The following SPAG16 variants were observed in gnomAD, a reference collection of about 807,000 sequenced individuals.
SPAG16 encodes sperm-associated antigen 16 protein.
In SPAG16, 86 loss-of-function variants were observed where a neutral mutation model predicts 80.4. The ratio of observed to expected loss-of-function variants is 1.07; its 90% CI spans 0.90 to 1.28. The LOEUF (loss-of-function observed/expected upper bound fraction) is 1.28. Among genes scored for constraint, SPAG16 ranks in the 50% most tolerant of loss-of-function variants. The pLI is 0.00. For missense variants in SPAG16, 870 were observed against 765.3 expected (o/e 1.14, Z -1.61); for synonymous variants, 294 against 265.9 (o/e 1.11, Z -1.03).
At chr2:213,623,383 G>C (rs1264438445) in intron 10 of SPAG16, among the ~76,000 whole-genome samples, 1 of 151,952 alleles carries the variant, frequency 6.6e-6, no homozygotes, top group Non-Finnish European at 1.5e-5. Context: ...AGATAAAATA[G>C]ATAAACAAGT....
At chr2:214,391,346 T>G (rs1264560238) in intron 15 of SPAG16, among the ~76,000 whole-genome samples, 1 of 152,230 alleles carries the variant, frequency 6.6e-6, no homozygotes, top group Non-Finnish European at 1.5e-5. Context: ...TTCATCTTTT[T>G]CATTCAAAAT....
intron 10 of SPAG16, among the ~76,000 whole-genome samples, chr2:213,680,319 G>C (rs949066490): frequency 6.6e-6 from 1 of 151,934 alleles, no homozygotes; most frequent in African/African-American, 2.4e-5. Context: ...GAGCTTGTGC[G>C]TAAGCCATTT....
intron 11 of SPAG16, among the ~76,000 whole-genome samples, chr2:213,864,741 C>T (rs1421948988): frequency 2.0e-5 from 3 of 152,080 alleles, no homozygotes; most frequent in Admixed American, 1.3e-4. Context: ...CTATCTTCTG[C>T]AATGATGACA....
chr2:213,504,199 T>C (rs1322709043), intron 10 of SPAG16, among the ~76,000 whole-genome samples: 4 of 152,192 alleles, frequency 2.6e-5, no homozygotes, highest in Admixed American at 2.6e-4. Flanking sequence ...TTTTGGAATT[T>C]CTTAAGCAAG....
chr2:214,051,280 G>A (rs1028739553), intron 13 of SPAG16, among the ~76,000 whole-genome samples: 1 of 152,030 alleles, frequency 6.6e-6, no homozygotes, highest in African/African-American at 2.4e-5. Context: ...TATAGCAAAG[G>A]AATCACATCT....
At chr2:213,516,437 T>C (rs1226969257) in intron 10 of SPAG16, among the ~76,000 whole-genome samples, 1 of 152,204 alleles carries the variant, frequency 6.6e-6, no homozygotes, top group Non-Finnish European at 1.5e-5. Context: ...TGCTTCTTTA[T>C]TTTTAAAGAG....
chr2:214,355,297 T>C (rs1402219148), intron 15 of SPAG16, among the ~76,000 whole-genome samples: 1 of 98,826 alleles, frequency 1.0e-5, no homozygotes, highest in Non-Finnish European at 2.3e-5. Flanking sequence ...ATATCAAGAA[T>C]CTACGATGAA....
At chr2:213,327,200 TGATGAGGA>T (rs2063881593) in intron 5 of SPAG16, among the ~76,000 whole-genome samples, 1 of 151,630 alleles carries the variant, frequency 6.6e-6, no homozygotes, top group Admixed American at 6.6e-5. Context: ...TCTACTAATG[TGATGAGGA>T]AATATTATAT....
chr2:213,763,153 A>T (rs1362539109), intron 10 of SPAG16, among the ~76,000 whole-genome samples: 1 of 152,186 alleles, frequency 6.6e-6, no homozygotes, highest in Non-Finnish European at 1.5e-5. Flanking sequence ...GATATAGAGA[A>T]ATCTGAATCC....
At chr2:213,610,273 C>T (rs1047189275) in intron 10 of SPAG16, among the ~76,000 whole-genome samples, 4 of 152,124 alleles carry the variant, frequency 2.6e-5, no homozygotes, top group Non-Finnish European at 4.4e-5. Flanking sequence ...TGTCCTTTTG[C>T]AGGGAGATTT....
intron 10 of SPAG16, among the ~76,000 whole-genome samples, chr2:213,574,762 A>C (rs1336686114): frequency 6.7e-6 from 1 of 150,106 alleles, no homozygotes; most frequent in Non-Finnish European, 1.5e-5. Flanking sequence ...TTTTTCTCTT[A>C]GTCAATTGTG....
Position 213,411,223 on chromosome 2 carries a change from C to A in SPAG16, c.942+36104C>A, listed in dbSNP as rs567926779. On this transcript the variant is annotated intron_variant, in intron 9 of 15. Transcript: ENST00000331683. ...ATAAGACATTGTAAAGCAAGAGAAG[C>A]CCCTTATAGGTCTTTCGACTCTCAA... Among the ~76,000 whole-genome samples the A allele has an allele frequency of 6.7e-4, 102 of 152,280 alleles. 1 individual carries two copies. The highest frequency in any genetic ancestry group is 1.4e-3 in the South Asian group (7 of 4,828).
At chr2:213,485,413 T>G (rs1395148803) in intron 9 of SPAG16, among the ~76,000 whole-genome samples, 1 of 152,196 alleles carries the variant, frequency 6.6e-6, no homozygotes, top group African/African-American at 2.4e-5. Context: ...TTTTTCCTTT[T>G]GGCTTATCTA....
intron 10 of SPAG16, among the ~76,000 whole-genome samples, chr2:213,694,733 C>T (rs1328544041): frequency 6.6e-6 from 1 of 151,074 alleles, no homozygotes; most frequent in Admixed American, 6.6e-5. Flanking sequence ...TGCTTGCATT[C>T]CTCTCTTCTT....
chr2:214,339,845 C>G (rs1236215508), intron 15 of SPAG16, among the ~76,000 whole-genome samples: 8 of 152,054 alleles, frequency 5.3e-5, no homozygotes, highest in Non-Finnish European at 1.5e-5. Flanking sequence ...TTGTAGATGT[C>G]ATTTAGTTTA....
intron 11 of SPAG16, among the ~76,000 whole-genome samples, chr2:213,887,410 C>G (rs2076600297): frequency 6.6e-6 from 1 of 151,750 alleles, no homozygotes; most frequent in Non-Finnish European, 1.5e-5. Flanking sequence ...CGTAAAATGA[C>G]TCTCATATCG....
rs6755172 is a variant in SPAG16, at chr2:213,653,060, A to G, written c.1070+162970A>G. On this transcript the variant is annotated intron_variant, in intron 10 of 15. Coordinates refer to ENST00000331683, the MANE Select transcript of SPAG16 (RefSeq NM_024532.5). ...CCCGGCATCTTCTATCTAGTTGTTC[A>G]TAGTCTCCTATCCTTTTATAAAGAA... is the stretch of plus-strand genomic sequence containing the variant. Among the ~76,000 whole-genome samples, 1,291 of 152,192 alleles carry G rather than the reference A, an allele frequency of 8.5e-3. 26 individuals carry two copies. Among genetic ancestry groups the G allele is most frequent in the African/African-American group, 0.03 (1,233 of 41,530 alleles).
chr2:213,856,487 C>G (rs1354383249), intron 10 of SPAG16, among the ~76,000 whole-genome samples: 1 of 152,182 alleles, frequency 6.6e-6, no homozygotes, highest in Non-Finnish European at 1.5e-5. Context: ...GGCTCCAAAC[C>G]CACATTTCCC....
intron 1 of SPAG16, among the ~76,000 whole-genome samples, chr2:213,287,027 A>G (rs1289952883): frequency 6.6e-6 from 1 of 152,212 alleles, no homozygotes; most frequent in Non-Finnish European, 1.5e-5. Context: ...CTTCTAAGGA[A>G]CCCAGAATAT....
Sources: allele counts gnomAD v4.1 joint callset (sites outside exome capture counted in the v4.1 genomes callset), GRCh38; gene constraint gnomAD v4.1.1; transcripts MANE v1.5; gene names NCBI Gene and HGNC (gene_info 2026-07-23, HGNC 2026-07-21).